The following PREX1 variants were observed in gnomAD, a reference collection of about 807,000 sequenced individuals.
The protein encoded by PREX1 is phosphatidylinositol 3,4,5-trisphosphate-dependent Rac exchanger 1 protein.
In PREX1, 41 loss-of-function variants were observed where a neutral mutation model predicts 198.3. The ratio of observed to expected loss-of-function variants is 0.21; its 90% CI spans 0.16 to 0.27. PREX1 has a LOEUF of 0.27. Ranked by LOEUF, PREX1 falls within the 10% of genes least tolerant of loss-of-function variation. The probability of loss-of-function intolerance (pLI) is 1.00; values close to 1 mark genes in which losing one functional copy is unlikely to be tolerated. For missense variants in PREX1, 1,620 were observed against 2,200.7 expected (o/e 0.74, Z 5.28); for synonymous variants, 843 against 887.2 (o/e 0.95, Z 0.89).
chr20:48,642,382 G>T (rs891863430), intron 28 of PREX1, 25 bp downstream of exon 28: 3 of 1,609,050 alleles, frequency 1.9e-6, no homozygotes, highest in Admixed American at 3.3e-5. Context: ...CCAAAGTTGC[G>T]CCAGGAGTGG....
chr20:48,747,721 A>G, intron 2 of PREX1, 88 bp downstream of exon 2: 1 of 1,405,622 alleles, frequency 7.1e-7, no homozygotes, highest in South Asian at 1.2e-5. Flanking sequence ...CTCCCCCTGC[A>G]TGCACACCCT....
chr20:48,873,120 T>C, the PREX1 span, among the ~76,000 whole-genome samples: 1 of 152,202 alleles, frequency 6.6e-6, no homozygotes, highest in Non-Finnish European at 1.5e-5. Flanking sequence ...TCAGCTCTGA[T>C]CTACCCTGCG....
At chr20:48,651,939 G>A (rs898514976) in intron 21 of PREX1, among the ~76,000 whole-genome samples, 5 of 152,240 alleles carry the variant, frequency 3.3e-5, no homozygotes, top group Non-Finnish European at 4.4e-5. Flanking sequence ...ATAGTGGCTT[G>A]GACCAGGGAG....
At chr20:48,676,343 G>A in intron 13 of PREX1, 75 bp from the exon 14 acceptor site, 1 of 1,368,288 alleles carries the variant, frequency 7.3e-7, no homozygotes. Context: ...TGACTTCCCT[G>A]CAGGACGTGC....
chr20:48,727,763 TC>T (rs2090016441), intron 4 of PREX1, among the ~76,000 whole-genome samples: 1 of 152,092 alleles, frequency 6.6e-6, no homozygotes, highest in Non-Finnish European at 1.5e-5. Context: ...ACCAAGGCCA[TC>T]CCTGCCACCC....
Position 48,645,841 on chromosome 20 carries a change from T to C in PREX1, c.3512+10A>G. ...TCATCTAACCTCAGCCCCCTGACGG[T>C]GACACCCACCTGTAGGAGTCGCGAT... is the stretch of plus-strand genomic sequence containing the variant. On this transcript the variant is annotated intron_variant, in intron 26 of 39. Transcript: ENST00000371941. 1 of 1,613,566 alleles carries C rather than the reference T, an allele frequency of 6.2e-7. No individual in the cohort carries two copies. Among genetic ancestry groups the C allele is most frequent in the Non-Finnish European group, 8.5e-7 (1 of 1,179,736 alleles).
At chr20:48,818,774 G>C (rs145964836) in intron 1 of PREX1, among the ~76,000 whole-genome samples, 6 of 152,370 alleles carry the variant, frequency 3.9e-5, no homozygotes, top group African/African-American at 1.4e-4. Flanking sequence ...TTCCTGAACA[G>C]AAAACAAGGG....
At chr20:48,645,213 T>C (rs1479988201) in intron 26 of PREX1, among the ~76,000 whole-genome samples, 2 of 152,212 alleles carry the variant, frequency 1.3e-5, no homozygotes, top group Non-Finnish European at 2.9e-5. Flanking sequence ...TCAGTTCTGA[T>C]TTTTGCCCAC....
At chr20:48,682,165 CCA>C (rs753775969) in intron 10 of PREX1, among the ~76,000 whole-genome samples, 2 of 152,108 alleles carry the variant, frequency 1.3e-5, no homozygotes, top group Non-Finnish European at 2.9e-5. Context: ...TTAAAAAATA[CCA>C]GACTCCTCCC....
At chr20:48,628,154 A>C (rs921575907) in intron 37 of PREX1, among the ~76,000 whole-genome samples, 191 bp from the exon 38 acceptor site, 1 of 152,064 alleles carries the variant, frequency 6.6e-6, no homozygotes, top group Non-Finnish European at 1.5e-5. Context: ...CTCTTCCTCC[A>C]GGCAGCCACC....
At position 48,666,379 on chromosome 20, in the gene PREX1, G is replaced by A. The variant is rs2089640688; in HGVS notation, c.1666-24C>T. 1.3e-6 allele frequency: 2 copies of A among 1,536,354 alleles called. No homozygotes were observed. Among genetic ancestry groups the A allele is most frequent in the African/African-American group, 1.4e-5 (1 of 72,772 alleles). On this transcript the variant is annotated intron_variant, in intron 14 of 39. Coordinates refer to ENST00000371941, the MANE Select transcript of PREX1 (RefSeq NM_020820.4). The surrounding 1 kb of genome is among the most constrained non-coding windows in gnomAD (Gnocchi z 4.3). ...CCCTGGAATGGAACAAGAAGGGGAG[G>A]GTGTTAGGTGGCAGCATCCGAGAGG...
chr20:48,663,673 A>G (rs1382547873), intron 15 of PREX1, among the ~76,000 whole-genome samples: 1 of 152,260 alleles, frequency 6.6e-6, no homozygotes, highest in Non-Finnish European at 1.5e-5. Flanking sequence ...CGGAGTTTGC[A>G]GATCTCTGAG....
At chr20:48,748,808 A>T (rs925374198) in intron 1 of PREX1, among the ~76,000 whole-genome samples, 2 of 152,224 alleles carry the variant, frequency 1.3e-5, no homozygotes, top group Non-Finnish European at 2.9e-5. Flanking sequence ...GGACCACCAG[A>T]GGTTCGGATT....
the PREX1 span, among the ~76,000 whole-genome samples, chr20:48,888,146 A>G: frequency 6.6e-6 from 1 of 152,122 alleles, no homozygotes; most frequent in Non-Finnish European, 1.5e-5. Flanking sequence ...TGCAGGGCGA[A>G]AAGCACTTCT....
chr20:48,795,862 A>C (rs1373244409), intron 1 of PREX1, among the ~76,000 whole-genome samples: 1 of 152,202 alleles, frequency 6.6e-6, no homozygotes, highest in Non-Finnish European at 1.5e-5. Flanking sequence ...TACAGATTTA[A>C]CCACCTGCTC....
the PREX1 span, among the ~76,000 whole-genome samples, chr20:48,838,778 AGAACTTTGG>A: frequency 6.6e-6 from 1 of 152,128 alleles, no homozygotes; most frequent in Non-Finnish European, 1.5e-5. Flanking sequence ...CTGTAATCCC[AGAACTTTGG>A]GAGGTGGAGG....
At chr20:48,749,248 A>G (rs1381948524) in intron 1 of PREX1, among the ~76,000 whole-genome samples, 1 of 152,086 alleles carries the variant, frequency 6.6e-6, no homozygotes, top group Non-Finnish European at 1.5e-5. Flanking sequence ...CCCTGGGAAA[A>G]GGAATTCATG....
At chr20:48,782,100 G>C (rs916353023) in intron 1 of PREX1, among the ~76,000 whole-genome samples, 1 of 152,206 alleles carries the variant, frequency 6.6e-6, no homozygotes. Flanking sequence ...TTCTCCTGCT[G>C]AGTCTCAGGG....
intron 1 of PREX1, among the ~76,000 whole-genome samples, chr20:48,797,538 TC>T (rs774721814): frequency 2.0e-5 from 3 of 150,272 alleles, no homozygotes; most frequent in Non-Finnish European, 4.4e-5. Context: ...TCCCCTCCCA[TC>T]CCCCCAAAAA....
Sources: allele counts gnomAD v4.1 joint callset (sites outside exome capture counted in the v4.1 genomes callset), GRCh38; gene constraint gnomAD v4.1.1; non-coding constraint Gnocchi (gnomAD v3.1); transcripts MANE v1.5; gene names NCBI Gene and HGNC (gene_info 2026-07-23, HGNC 2026-07-21).